Variants in NEK10 observed in about 807,000 individuals in gnomAD.
NEK10 encodes NIMA related kinase 10.
A neutral mutation model predicts 159.8 loss-of-function variants in NEK10; 122 were observed. The ratio of observed to expected loss-of-function variants is 0.76; its 90% CI spans 0.66 to 0.89. The LOEUF (loss-of-function observed/expected upper bound fraction) is 0.89, where lower values mean the gene tolerates loss of function less well. NEK10 is among the 40% of genes least tolerant of loss of function. The probability of loss-of-function intolerance (pLI) is 0.00; values close to 1 mark genes in which losing one functional copy is unlikely to be tolerated. For missense variants in NEK10, 1,342 were observed against 1,323.1 expected, an observed-to-expected ratio of 1.01 and a Z score of -0.22; for synonymous variants, 466 against 457.1, an observed-to-expected ratio of 1.02 and a Z score of -0.25.
At chr3:27,366,802 T>C (rs2049119799) in intron 1 of NEK10, among the ~76,000 whole-genome samples, 1 of 142,974 alleles carries the variant, frequency 7.0e-6, no homozygotes. Flanking sequence ...GACTTCAGTG[T>C]GTTCATTTTT....
chr3:27,301,075 G>A (rs907950720), intron 13 of NEK10, among the ~76,000 whole-genome samples: 94 of 152,038 alleles, frequency 6.2e-4, no homozygotes, highest in Admixed American at 4.8e-3. Flanking sequence ...CCGCTCTAGG[G>A]CACCCAAATT....
chr3:27,139,165 GA>G (rs1018452591), intron 31 of NEK10, among the ~76,000 whole-genome samples: 1 of 150,550 alleles, frequency 6.6e-6, no homozygotes, highest in Non-Finnish European at 1.5e-5. Context: ...GTGAAAGTTA[GA>G]AAAAAAAAGA....
intron 29 of NEK10, among the ~76,000 whole-genome samples, chr3:27,170,495 G>T (rs551120478): frequency 1.3e-5 from 2 of 152,212 alleles, no homozygotes; most frequent in Admixed American, 6.5e-5. Context: ...ACTTTGGGAG[G>T]CTAAGGTGGG....
intron 32 of NEK10, among the ~76,000 whole-genome samples, chr3:27,126,996 G>A (rs1338517190): frequency 6.6e-6 from 1 of 150,444 alleles, no homozygotes; most frequent in African/African-American, 2.5e-5. Flanking sequence ...GAGAAGCCCG[G>A]AATACACTAA....
chr3:27,307,181 T>C (rs1054030046), intron 11 of NEK10, among the ~76,000 whole-genome samples: 3 of 152,252 alleles, frequency 2.0e-5, no homozygotes, highest in Non-Finnish European at 4.4e-5. Flanking sequence ...TTATCTATAT[T>C]TAATGCTCTT....
chr3:27,225,435 A>G (rs1384698029), intron 23 of NEK10, among the ~76,000 whole-genome samples: 1 of 152,220 alleles, frequency 6.6e-6, no homozygotes, highest in African/African-American at 2.4e-5. Flanking sequence ...GGAAGAAGAA[A>G]CTGGAGAATG....
At chr3:27,337,445 G>GAA (rs34005225) in intron 5 of NEK10, among the ~76,000 whole-genome samples, 10 of 151,140 alleles carry the variant, frequency 6.6e-5, no homozygotes, top group South Asian at 2.1e-4. Flanking sequence ...CACAGAAATA[G>GAA]AAAAAAAAGA....
At chr3:27,283,916 A>C (rs763835946) in intron 22 of NEK10, among the ~76,000 whole-genome samples, 1 of 152,202 alleles carries the variant, frequency 6.6e-6, no homozygotes, top group East Asian at 1.9e-4. Flanking sequence ...TTGATGAGGC[A>C]GTGTTCTACA....
chr3:27,220,051 T>C (rs1160908945), intron 23 of NEK10, among the ~76,000 whole-genome samples: 1 of 152,060 alleles, frequency 6.6e-6, no homozygotes, highest in Admixed American at 6.6e-5. Flanking sequence ...GAGCATAACA[T>C]CATTGAAAAA....
chr3:27,344,326 C>T lies in NEK10; in HGVS notation c.308G>A (p.Arg103His), dbSNP rs200401044. 9.3e-5 allele frequency: 148 copies of T among 1,597,514 alleles called. No individual in the cohort carries two copies. Among genetic ancestry groups the T allele is most frequent in the African/African-American group, 5.7e-4 (43 of 74,798 alleles). The change falls in exon 5 of 36, where the codon CGT (arginine) becomes CAT (histidine). Residue 103 changes from arginine (R) to histidine (H), a missense_variant. Arg to His is a conservative substitution (Grantham distance 29). Coordinates refer to ENST00000691995, the MANE Select transcript of NEK10 (RefSeq NM_001394966.1). ...NERNFSKHPQ[R>H]KLFQEIFTAL... ...GGTAAAGATCTCCTGAAATAGTTTACGCTGAGGATGTTTGCTGAAATTTCT... is the reference window on the plus strand; with the variant it reads ...GGTAAAGATCTCCTGAAATAGTTTATGCTGAGGATGTTTGCTGAAATTTCT...
intron 23 of NEK10, among the ~76,000 whole-genome samples, chr3:27,244,744 C>T (rs939186101): frequency 4.6e-5 from 7 of 151,984 alleles, no homozygotes; most frequent in Non-Finnish European, 1.0e-4. Context: ...AGTTCCTGGA[C>T]TCGCCCCCTC....
chr3:27,247,061 A>T (rs1295397872), intron 23 of NEK10, among the ~76,000 whole-genome samples: 3 of 152,194 alleles, frequency 2.0e-5, no homozygotes, highest in Admixed American at 6.5e-5. Flanking sequence ...AGATCATATC[A>T]TCTGCAAACA....
chr3:27,134,734 A>G (rs2125537663), intron 31 of NEK10, among the ~76,000 whole-genome samples: 1 of 152,330 alleles, frequency 6.6e-6, no homozygotes. Flanking sequence ...TACTGGAATA[A>G]TTATTACAAT....
chr3:27,201,606 T>C (rs1197373686), intron 24 of NEK10, 26 bp from the exon 25 acceptor site: 1 of 1,590,266 alleles, frequency 6.3e-7, no homozygotes, highest in South Asian at 1.1e-5. Context: ...ACTAGAGTGA[T>C]GGAAGTAAAG....
chr3:27,368,981 G>T (rs1445193239), intron 1 of NEK10: 3 of 152,366 alleles, frequency 2.0e-5, no homozygotes, highest in Non-Finnish European at 4.4e-5. Context: ...GCGCCAAGAA[G>T]CATCGTTGAT....
At chr3:27,163,094 G>T (rs1946167840) in intron 29 of NEK10, among the ~76,000 whole-genome samples, 1 of 144,434 alleles carries the variant, frequency 6.9e-6, no homozygotes, top group South Asian at 2.3e-4. Context: ...TCTATGATTT[G>T]TCCCTGCTCT....
intron 22 of NEK10, among the ~76,000 whole-genome samples, chr3:27,271,152 T>TATCC (rs2041315956): frequency 4.4e-5 from 1 of 22,508 alleles, no homozygotes; most frequent in Non-Finnish European, 9.1e-5. Flanking sequence ...ATCTATCTTC[T>TATCC]ATCTATCTAT....
chr3:27,314,900 C>T (rs1046291409), intron 6 of NEK10, among the ~76,000 whole-genome samples: 38 of 152,162 alleles, frequency 2.5e-4, no homozygotes, highest in African/African-American at 8.4e-4. Context: ...GTCATACGTA[C>T]GTACAGTACA....
In NEK10 at chr3:27,113,971, C is replaced by G. The variant is rs369741675; in HGVS notation, c.3299+1969G>C. Among the ~76,000 whole-genome samples the G allele has an allele frequency of 5.0e-4, 76 of 152,212 alleles. 1 individual carries two copies. The highest frequency in any genetic ancestry group is 1.7e-3 in the African/African-American group (70 of 41,524). On this transcript the variant is annotated intron_variant, in intron 35 of 35. Coordinates refer to ENST00000691995, the MANE Select transcript of NEK10 (RefSeq NM_001394966.1). ...GAGTCATCTTTTCCCCAGTACAAGCCAAGGGCACTTGAAATAATGAGGCTC... is the reference window on the plus strand; with the variant it reads ...GAGTCATCTTTTCCCCAGTACAAGCGAAGGGCACTTGAAATAATGAGGCTC...
Sources: gnomAD v4.1 joint callset for allele counts (sites outside exome capture counted in the v4.1 genomes callset) on GRCh38, gnomAD v4.1.1 for gene constraint, MANE v1.5 for transcripts, NCBI Gene and HGNC (gene_info 2026-07-23, HGNC 2026-07-21) for gene names.